RARG: variants seen among roughly 807,000 people sequenced by gnomAD.
The protein encoded by RARG is RAR-gamma.
In RARG, 17 loss-of-function variants were observed where a neutral mutation model predicts 43.7. The ratio of observed to expected loss-of-function variants is 0.39; its 90% confidence interval spans 0.27 to 0.58. RARG has a LOEUF of 0.58. RARG is among the 20% of genes least tolerant of loss of function. The pLI, the probability that RARG is intolerant of heterozygous loss-of-function variation, is 0.57. For synonymous variants in RARG, 238 were observed against 236.4 expected (o/e 1.01, Z -0.06); for missense variants, 346 against 598.7 (o/e 0.58, Z 4.40).
intron 9 of RARG, among the ~76,000 whole-genome samples, chr12:53,212,777 CACAT>C (rs201202584): frequency 0.01 from 1,557 of 149,378 alleles, 23 homozygotes; most frequent in South Asian, 0.047. Flanking sequence ...CACACACACA[CACAT>C]ACTTGGAATT....
chr12:53,231,866 C>CTCGG (rs1422372202), intron 1 of RARG, 108 bp downstream of exon 1: 5 of 390,112 alleles, frequency 1.3e-5, no homozygotes. Flanking sequence ...CCTGGCCAGC[C>CTCGG]TCGGGAGGGC....
At chr12:53,219,994 G>C (rs1386396355) in intron 3 of RARG, 1 of 1,523,104 alleles carries the variant, frequency 6.6e-7, no homozygotes, top group Non-Finnish European at 8.8e-7. Context: ...TTCAAGTCCG[G>C]CGAAACAGGA....
intron 6 of RARG, 58 bp from the exon 7 acceptor site, chr12:53,214,293 G>C: frequency 6.4e-7 from 1 of 1,556,630 alleles, no homozygotes; most frequent in Non-Finnish European, 8.8e-7. Flanking sequence ...TCTGGGGGCT[G>C]TCTTCTCTCT....
At position 53,227,247 on chromosome 12, in the gene RARG, A is replaced by C. The variant is rs1943130584; in HGVS notation, c.184+115T>G. The C allele has an allele frequency of 1.7e-6, 2 of 1,186,096 alleles. No homozygotes were observed. Among genetic ancestry groups the C allele is most frequent in the African/African-American group, 3.1e-5 (2 of 63,830 alleles). 73.5% of individuals were successfully genotyped at this position (1,186,096 alleles called of 1,614,324 possible). A position where few individuals can be genotyped will look rare whatever the true frequency, so the allele number is the denominator to read the frequency against. On this transcript the variant is annotated intron_variant, in intron 3 of 9. Transcript: ENST00000425354. The surrounding 1 kb of genome is among the most constrained non-coding windows in gnomAD (Gnocchi z 4.3). ...TTATTCACTACTACTCCATTAGGCC[A>C]AACCCCTGTCCCCTGCCTGCCTTCC...
At chr12:53,230,887 C>A (rs981637968) in intron 2 of RARG, among the ~76,000 whole-genome samples, 3 of 139,210 alleles carry the variant, frequency 2.2e-5, no homozygotes, top group Non-Finnish European at 4.7e-5. Flanking sequence ...GTGTGTATGT[C>A]TGTCTATATG....
chr12:53,223,640 C>T (rs1366446932), intron 3 of RARG, among the ~76,000 whole-genome samples: 1 of 151,830 alleles, frequency 6.6e-6, no homozygotes, highest in Non-Finnish European at 1.5e-5. Context: ...AAGAGGCAGT[C>T]GACTGGGGTT....
Position 53,227,605 on chromosome 12 carries a change from C to CA in RARG, c.-61dup. The stretch of plus-strand genomic sequence containing the variant: ...AGTGGGCGGGCGAGGTCTTCAGCCA[C>CA]AGCCCCTGCCCATGCCCACTGCCCC... On this transcript the variant is annotated 5_prime_UTR_variant, in exon 3 of 10. It removes the in-frame stop codon of an upstream open reading frame in the 5' UTR. Transcript: ENST00000425354. This position sits in a 1 kb window ranked among gnomAD's most constrained non-coding sequence, Gnocchi z 4.3. 1 of 1,410,988 alleles carries CA rather than the reference C, an allele frequency of 7.1e-7. No homozygotes were observed. Among genetic ancestry groups the CA allele is most frequent in the Non-Finnish European group, 9.2e-7 (1 of 1,081,338 alleles). 87.4% of individuals were successfully genotyped at this position (1,410,988 alleles called of 1,614,324 possible). A position where few individuals can be genotyped will look rare whatever the true frequency, so the allele number is the denominator to read the frequency against.
Position 53,227,398 on chromosome 12 carries a change from C to G in RARG, c.148G>C (p.Gly50Arg). The G allele has an allele frequency of 1.9e-6, 3 of 1,599,156 alleles. No homozygotes were observed. Among genetic ancestry groups the G allele is most frequent in the Non-Finnish European group, 2.6e-6 (3 of 1,173,124 alleles). Reference protein sequence around the residue: ...EMLSPSFRGLGQPDLPKEMAS... With the variant: ...EMLSPSFRGLRQPDLPKEMAS... ...ATCTCCTTGGGGAGGTCAGGCTGGC[C>G]CAGGCCCCGGAAGCTAGGGCTCAGC... is the stretch of plus-strand genomic sequence containing the variant. Residue 50 changes from glycine to arginine, a missense_variant, in exon 3 of 10, where the codon GGC becomes CGC. Physicochemically the swap from Gly to Arg is moderately radical, Grantham distance 125. Around this residue, in one of 8 missense-constraint regions of RARG, gnomAD observed 90 missense variants for 93.2 expected, o/e 0.97. Transcript: ENST00000425354. The surrounding 1 kb of genome is among the most constrained non-coding windows in gnomAD (Gnocchi z 4.3).
Position 53,232,077 on chromosome 12 carries a change from G to T in RARG, c.-313C>A, listed in dbSNP as rs574211269. Reference sequence around the variant, plus strand: ...TGTCCGGGGCTCGCCGTACTGGGGGGCTCCTGGGGGGGCACGGCTCTAGGC... The same window carrying T: ...TGTCCGGGGCTCGCCGTACTGGGGGTCTCCTGGGGGGGCACGGCTCTAGGC... On this transcript the variant is annotated 5_prime_UTR_variant, in exon 1 of 10. Transcript: ENST00000425354. 5.0e-6 allele frequency: 2 copies of T among 398,534 alleles called. No homozygotes were observed. The highest frequency in any genetic ancestry group is 7.1e-5 in the East Asian group (2 of 28,068). 24.7% of individuals were successfully genotyped at this position (398,534 alleles called of 1,614,324 possible).
Position 53,219,654 on chromosome 12 carries a change from G to A in RARG, c.185-3860C>T, listed in dbSNP as rs186567928. On this transcript the variant is annotated intron_variant, in intron 3 of 9. Coordinates refer to ENST00000425354, the MANE Select transcript of RARG (RefSeq NM_000966.6). ...GAGTGTCATATCCTTCCAGGGCCAC[G>A]GACGTGAAGGCGCAAACTACCCACA... Among the ~76,000 whole-genome samples the A allele has an allele frequency of 2.3e-3, 350 of 152,302 alleles. 2 individuals carry two copies. The highest frequency in any genetic ancestry group is 6.9e-3 in the Admixed American group (105 of 15,296).
intron 3 of RARG, among the ~76,000 whole-genome samples, chr12:53,222,603 G>T (rs1018118053): frequency 6.6e-6 from 1 of 152,148 alleles, no homozygotes; most frequent in Non-Finnish European, 1.5e-5. Flanking sequence ...GTCCTCAATA[G>T]CCCCCGTTTC....
rs1175888622 is a variant in RARG at position 53,213,395 on chromosome 12, G to A, written c.1018+101C>T. On this transcript the variant is annotated intron_variant, in intron 8 of 9. Transcript: ENST00000425354. The surrounding 1 kb of genome is among the most constrained non-coding windows in gnomAD (Gnocchi z 4.7). ...CCAGGTGCAAGAATTACCAGCAGAA[G>A]AGACCACTGGGTCCTCCACGCCCCC... is the stretch of plus-strand genomic sequence containing the variant. 6.7e-7 allele frequency: 1 copy of A among 1,497,622 alleles called. No individual in the cohort carries two copies. The highest frequency in any genetic ancestry group is 2.3e-5 in the East Asian group (1 of 43,370). 92.8% of individuals were successfully genotyped at this position (1,497,622 alleles called of 1,614,324 possible). A position where few individuals can be genotyped will look rare whatever the true frequency, so the allele number is the denominator to read the frequency against.
intron 3 of RARG, among the ~76,000 whole-genome samples, chr12:53,224,700 C>T (rs1301082623): frequency 6.6e-6 from 1 of 151,312 alleles, no homozygotes; most frequent in South Asian, 2.1e-4. Context: ...TAGCAACCCA[C>T]CCCCAAGCCT....
Position 53,215,737 on chromosome 12 carries a change from G to A in RARG, c.242C>T (p.Pro81Leu), listed in dbSNP as rs1277703533. 1 of 1,613,586 alleles carries A rather than the reference G, an allele frequency of 6.2e-7. No homozygotes were observed. Among genetic ancestry groups the A allele is most frequent in the Non-Finnish European group, 8.5e-7 (1 of 1,179,918 alleles). Residue 81 changes from proline to leucine, a missense_variant, in exon 4 of 10, where the codon CCT becomes CTT. Around this residue, in one of 8 missense-constraint regions of RARG, gnomAD observed 50 missense variants for 117.7 expected, o/e 0.42. Coordinates refer to ENST00000425354, the MANE Select transcript of RARG (RefSeq NM_000966.6). This position sits in a 1 kb window ranked among gnomAD's most constrained non-coding sequence, Gnocchi z 6.4. ...TGGCTTGTAGACCCGAGGAGGCGGA[G>A]GGGGCGAGGGCGAGCTGGGCACCAT... ...EEMVPSSPSP[P>L]PPPRVYKPCF...
In RARG at chr12:53,215,603, G is replaced by A. The variant is rs774422605; in HGVS notation, c.333+43C>T. 3.8e-6 allele frequency: 6 copies of A among 1,595,860 alleles called. No homozygotes were observed. The highest frequency in any genetic ancestry group is 5.1e-6 in the Non-Finnish European group (6 of 1,169,164). ...TGTGCCTGGTCTCTCATCTTACTAG[G>A]GTAACTGGATCCCCCGTCTGCCCAC... On this transcript the variant is annotated intron_variant, in intron 4 of 9. Coordinates refer to ENST00000425354, the MANE Select transcript of RARG (RefSeq NM_000966.6). The surrounding 1 kb of genome is among the most constrained non-coding windows in gnomAD (Gnocchi z 6.4).
chr12:53,225,158 G>A (rs1943075672), intron 3 of RARG, among the ~76,000 whole-genome samples: 1 of 152,142 alleles, frequency 6.6e-6, no homozygotes. Flanking sequence ...AGATTCATGG[G>A]GTGAAAATGA....
At chr12:53,214,372 C>A (rs1592428610) in intron 6 of RARG, 74 bp downstream of exon 6, 1 of 1,565,398 alleles carries the variant, frequency 6.4e-7, no homozygotes, top group Non-Finnish European at 8.7e-7. Context: ...TCGATGATAG[C>A]CTCCAACACA....
rs1278052706 is a variant in RARG, at chr12:53,215,918, C to G, written c.185-124G>C. ...CCACTGGTGACAGCCATCACTACCA[C>G]AGTGCACTAGTTCCAGCAGTAAGCA... On this transcript the variant is annotated intron_variant, in intron 3 of 9. Transcript: ENST00000425354. This position sits in a 1 kb window ranked among gnomAD's most constrained non-coding sequence, Gnocchi z 6.4. The G allele has an allele frequency of 1.9e-6, 2 of 1,054,520 alleles. No individual in the cohort carries two copies. The highest frequency in any genetic ancestry group is 3.2e-5 in the African/African-American group (2 of 62,238). 65.3% of individuals were successfully genotyped at this position (1,054,520 alleles called of 1,614,324 possible).
intron 2 of RARG, among the ~76,000 whole-genome samples, chr12:53,229,415 GA>G (rs1431497761): frequency 6.6e-6 from 1 of 151,970 alleles, no homozygotes; most frequent in East Asian, 1.9e-4. Flanking sequence ...AACTGTCATG[GA>G]GGTTACAAGA....
Sources: allele counts gnomAD v4.1 joint callset (sites outside exome capture counted in the v4.1 genomes callset), GRCh38; gene constraint gnomAD v4.1.1; regional missense constraint gnomAD v4.1.1; non-coding constraint Gnocchi (gnomAD v3.1); transcripts MANE v1.5; gene names NCBI Gene and HGNC (gene_info 2026-07-23, HGNC 2026-07-21).